LTBP1: variants seen among roughly 807,000 people sequenced by gnomAD.
LTBP1 encodes the protein latent-transforming growth factor beta-binding protein 1.
LTBP1 carries 129 observed loss-of-function variants against 207.6 expected under a neutral mutation model. The observed-to-expected ratio is 0.62, with a 90% CI of 0.54 to 0.72. The LOEUF is 0.72. LTBP1 is among the 30% of genes least tolerant of loss of function. The probability of loss-of-function intolerance (pLI) is 0.00; values close to 1 mark genes in which losing one functional copy is unlikely to be tolerated. For missense variants in LTBP1, 2,281 were observed against 2,217.2 expected, an observed-to-expected ratio of 1.03 and a Z score of -0.58; for synonymous variants, 963 against 833.7, an observed-to-expected ratio of 1.16 and a Z score of -2.67.
chr2:33,007,233 G>C (rs538839216), intron 2 of LTBP1, among the ~76,000 whole-genome samples: 2 of 152,188 alleles, frequency 1.3e-5, no homozygotes, highest in Admixed American at 6.5e-5. Flanking sequence ...CGCCCGCCTC[G>C]GCTTCTCAAA....
intron 26 of LTBP1, among the ~76,000 whole-genome samples, chr2:33,350,634 G>A (rs1033528828): frequency 1.4e-4 from 21 of 152,100 alleles, no homozygotes; most frequent in African/African-American, 4.8e-4. Context: ...TTACTGCCTG[G>A]GCCTTTGGCC....
intron 5 of LTBP1, among the ~76,000 whole-genome samples, chr2:33,173,078 T>C (rs1446124748): frequency 2.6e-5 from 4 of 152,078 alleles, no homozygotes; most frequent in Admixed American, 6.6e-5. Context: ...GACACCCTAA[T>C]ATCTCAATTA....
At chr2:33,197,324 A>G (rs1033693833) in intron 7 of LTBP1, among the ~76,000 whole-genome samples, 2 of 152,220 alleles carry the variant, frequency 1.3e-5, no homozygotes, top group African/African-American at 4.8e-5. Context: ...AAGTTGTGGT[A>G]GTCTACATAT....
chr2:33,093,731 G>A (rs1387711293), intron 3 of LTBP1, among the ~76,000 whole-genome samples: 2 of 151,912 alleles, frequency 1.3e-5, no homozygotes, highest in Non-Finnish European at 2.9e-5. Flanking sequence ...AATCATAATT[G>A]TGAAGCTACA....
chr2:33,239,489 T>A (rs568352058), intron 9 of LTBP1, among the ~76,000 whole-genome samples: 15 of 152,318 alleles, frequency 9.8e-5, no homozygotes, highest in African/African-American at 3.4e-4. Context: ...AAATTTGTCA[T>A]CTATAGAGGG....
At chr2:33,250,631 C>T (rs1245208718) in intron 10 of LTBP1, among the ~76,000 whole-genome samples, 1 of 152,152 alleles carries the variant, frequency 6.6e-6, no homozygotes, top group Non-Finnish European at 1.5e-5. Flanking sequence ...ACAGGAGAGC[C>T]CTTCGGCCCT....
chr2:33,275,972 T>G, intron 18 of LTBP1, 49 bp downstream of exon 18: 1 of 1,513,554 alleles, frequency 6.6e-7, no homozygotes, highest in Non-Finnish European at 8.8e-7. Context: ...TGTGCAGGGT[T>G]GGTAGGCACC....
intron 3 of LTBP1, among the ~76,000 whole-genome samples, chr2:33,063,909 A>G (rs1449807403): frequency 6.6e-6 from 1 of 151,070 alleles, no homozygotes; most frequent in East Asian, 1.9e-4. Flanking sequence ...GCTAGAGTGC[A>G]ATGGCATGAC....
intron 3 of LTBP1, among the ~76,000 whole-genome samples, chr2:33,080,393 G>T (rs2078323779): frequency 6.6e-6 from 1 of 152,144 alleles, no homozygotes; most frequent in Non-Finnish European, 1.5e-5. Flanking sequence ...AGGCCCTGGA[G>T]TCCTGCTTAA....
rs2082927802 is a variant in LTBP1, at chr2:33,145,205, A to G, written c.1201+10245A>G. ...CATTATCTTGAATTTAGACTCATGCAATACTTACTGAAAGACTGGCATGAC... is the reference window on the plus strand; with the variant it reads ...CATTATCTTGAATTTAGACTCATGCGATACTTACTGAAAGACTGGCATGAC... On this transcript the variant is annotated intron_variant, in intron 5 of 33. Coordinates refer to ENST00000404816, the MANE Select transcript of LTBP1 (RefSeq NM_206943.4). Among the ~76,000 whole-genome samples the G allele has an allele frequency of 2.0e-5, 3 of 152,158 alleles. 1 individual carries two copies. Among genetic ancestry groups the G allele is most frequent in the South Asian group, 4.1e-4 (2 of 4,822 alleles).
At chr2:32,977,391 C>T (rs760154811) in intron 2 of LTBP1, among the ~76,000 whole-genome samples, 3 of 152,196 alleles carry the variant, frequency 2.0e-5, no homozygotes, top group Non-Finnish European at 4.4e-5. Context: ...TGACTTCAGG[C>T]AGAAACAGGA....
intron 2 of LTBP1, among the ~76,000 whole-genome samples, chr2:32,991,339 T>C (rs1327045502): frequency 6.6e-6 from 1 of 152,236 alleles, no homozygotes; most frequent in Non-Finnish European, 1.5e-5. Flanking sequence ...GTAAATAAAC[T>C]GTCATGATTC....
At chr2:33,272,303 T>C (rs1020285133) in intron 15 of LTBP1, among the ~76,000 whole-genome samples, 68 of 152,206 alleles carry the variant, frequency 4.5e-4, no homozygotes, top group African/African-American at 1.5e-3. Flanking sequence ...CCACCTGCTT[T>C]TCTTCTCATT....
chr2:33,178,824 G>A (rs1448530558), intron 5 of LTBP1, among the ~76,000 whole-genome samples: 3 of 152,174 alleles, frequency 2.0e-5, no homozygotes, highest in South Asian at 2.1e-4. Context: ...GAACTTCCTT[G>A]TAATGATGTC....
At chr2:33,192,032 T>C (rs914831877) in intron 7 of LTBP1, among the ~76,000 whole-genome samples, 2 of 151,992 alleles carry the variant, frequency 1.3e-5, no homozygotes, top group South Asian at 4.2e-4. Context: ...TGGAGGAAAA[T>C]GGATGATTGA....
At chr2:33,389,453 A>G in intron 32 of LTBP1, 147 bp downstream of exon 32, 1 of 1,112,648 alleles carries the variant, frequency 9.0e-7, no homozygotes, top group Non-Finnish European at 1.3e-6. Flanking sequence ...GGTGGGACCC[A>G]GCCATCTTTG....
intron 9 of LTBP1, among the ~76,000 whole-genome samples, chr2:33,225,112 A>T (rs903466628): frequency 6.6e-6 from 1 of 152,104 alleles, no homozygotes; most frequent in African/African-American, 2.4e-5. Flanking sequence ...TTCAAGTTTT[A>T]AAAAAATTTC....
intron 5 of LTBP1, among the ~76,000 whole-genome samples, chr2:33,164,809 A>G (rs567484979): frequency 2.0e-5 from 3 of 152,310 alleles, no homozygotes; most frequent in Admixed American, 1.3e-4. Flanking sequence ...GCAGTTTTCT[A>G]GGTATTGATG....
intron 5 of LTBP1, among the ~76,000 whole-genome samples, chr2:33,173,383 G>A (rs528407190): frequency 0.021 from 3,264 of 152,016 alleles, 123 homozygotes; most frequent in African/African-American, 0.075. Context: ...ACACCTCTAC[G>A]CAAATAAACT....
Sources: allele counts gnomAD v4.1 joint callset (sites outside exome capture counted in the v4.1 genomes callset), GRCh38; gene constraint gnomAD v4.1.1; transcripts MANE v1.5; gene names NCBI Gene and HGNC (gene_info 2026-07-23, HGNC 2026-07-21).